The following LRP1B variants were observed in gnomAD, a reference collection of about 807,000 sequenced individuals.
LRP1B encodes the protein LDL receptor related protein 1B.
LRP1B carries 217 observed loss-of-function variants against 556.6 expected under a neutral mutation model. The observed-to-expected ratio is 0.39, with a 90% confidence interval of 0.35 to 0.44. The LOEUF is 0.44. Ranked by LOEUF, LRP1B falls within the 20% of genes least tolerant of loss-of-function variation. The probability of loss-of-function intolerance (pLI) is 1.00; values close to 1 mark genes in which losing one functional copy is unlikely to be tolerated. For missense variants in LRP1B, 5,053 were observed against 5,620.8 expected, an observed-to-expected ratio of 0.90 and a Z score of 3.23; for synonymous variants, 2,047 against 1,865.8, an observed-to-expected ratio of 1.10 and a Z score of -2.50.
intron 43 of LRP1B, among the ~76,000 whole-genome samples, chr2:140,563,686 TA>T: frequency 6.6e-6 from 1 of 152,336 alleles, no homozygotes; most frequent in Middle Eastern, 3.4e-3. Context: ...AATCATGTTT[TA>T]ATACTAAGAG....
chr2:141,986,328 A>G (rs913721853), intron 1 of LRP1B, among the ~76,000 whole-genome samples: 2 of 152,010 alleles, frequency 1.3e-5, no homozygotes, highest in East Asian at 1.9e-4. Flanking sequence ...TTATACATAC[A>G]TACAAATGAC....
At chr2:141,693,169 G>A (rs960065444) in intron 2 of LRP1B, among the ~76,000 whole-genome samples, 3 of 151,990 alleles carry the variant, frequency 2.0e-5, no homozygotes, top group Admixed American at 1.3e-4. Flanking sequence ...TGAAAGTAGA[G>A]TCTTTTTGTC....
chr2:140,813,650 C>T lies in LRP1B; in HGVS notation c.5359+7G>A, dbSNP rs758863947. 5.0e-5 allele frequency: 81 copies of T among 1,612,346 alleles called. No homozygotes were observed. The highest frequency in any genetic ancestry group is 6.3e-5 in the Non-Finnish European group (74 of 1,179,106). The stretch of plus-strand genomic sequence containing the variant: ...AAGCAACCAAGCTATAGAATAATTT[C>T]ACTTACCCATGATGGTTAGGGCTGT... On this transcript the variant is annotated splice_region_variant and intron_variant, in intron 32 of 90. Coordinates refer to ENST00000389484, the MANE Select transcript of LRP1B (RefSeq NM_018557.3).
intron 86 of LRP1B, among the ~76,000 whole-genome samples, chr2:140,253,128 A>G (rs1205324267): frequency 6.6e-6 from 1 of 151,996 alleles, no homozygotes; most frequent in Non-Finnish European, 1.5e-5. Flanking sequence ...GTTGTAATAA[A>G]TTTACTTGAT....
intron 1 of LRP1B, among the ~76,000 whole-genome samples, chr2:142,011,617 G>C (rs1702962470): frequency 6.6e-6 from 1 of 152,072 alleles, no homozygotes; most frequent in Non-Finnish European, 1.5e-5. Context: ...GCCTGATGTT[G>C]TGTTCTTAAA....
At chr2:140,329,095 A>G (rs941699100) in intron 79 of LRP1B, among the ~76,000 whole-genome samples, 4 of 152,048 alleles carry the variant, frequency 2.6e-5, no homozygotes, top group African/African-American at 9.7e-5. Flanking sequence ...ATGTAATACT[A>G]CATACTCTCC....
intron 2 of LRP1B, among the ~76,000 whole-genome samples, chr2:141,613,949 T>G (rs941258441): frequency 1.3e-5 from 2 of 151,234 alleles, no homozygotes; most frequent in Non-Finnish European, 3.0e-5. Flanking sequence ...GGCAGGCGCC[T>G]ATAATCCCAG....
chr2:140,566,552 G>T (rs1241110686), intron 43 of LRP1B, among the ~76,000 whole-genome samples: 2 of 152,140 alleles, frequency 1.3e-5, no homozygotes, highest in Non-Finnish European at 2.9e-5. Context: ...ACCCATCCCA[G>T]TTGCTGCTGA....
At chr2:140,425,870 G>A (rs1184836145) in intron 66 of LRP1B, among the ~76,000 whole-genome samples, 1 of 152,116 alleles carries the variant, frequency 6.6e-6, no homozygotes, top group Non-Finnish European at 1.5e-5. Flanking sequence ...AAGGCACACA[G>A]CTAATACATA....
intron 43 of LRP1B, among the ~76,000 whole-genome samples, chr2:140,581,084 T>G (rs73961436): frequency 8.6e-4 from 131 of 152,306 alleles, no homozygotes; most frequent in African/African-American, 2.9e-3. Flanking sequence ...GGAGCATGAG[T>G]TACAGACATG....
chr2:141,266,931 G>T (rs1034268972), intron 3 of LRP1B, among the ~76,000 whole-genome samples: 1 of 152,118 alleles, frequency 6.6e-6, no homozygotes, highest in Admixed American at 6.5e-5. Context: ...GAGGAAAAAT[G>T]TTTACTTTAG....
At chr2:140,697,649 C>A (rs904479529) in intron 41 of LRP1B, among the ~76,000 whole-genome samples, 1 of 151,926 alleles carries the variant, frequency 6.6e-6, no homozygotes, top group African/African-American at 2.4e-5. Context: ...ATGGATGCAC[C>A]TTGAAAACAC....
At chr2:140,764,233 CAT>C (rs1466687546) in intron 35 of LRP1B, among the ~76,000 whole-genome samples, 4 of 152,120 alleles carry the variant, frequency 2.6e-5, no homozygotes, top group Non-Finnish European at 4.4e-5. Flanking sequence ...TTAAAAATCA[CAT>C]GATTCAGTAT....
At chr2:140,751,115 C>T (rs1211818465) in intron 35 of LRP1B, among the ~76,000 whole-genome samples, 1 of 147,952 alleles carries the variant, frequency 6.8e-6, no homozygotes, top group African/African-American at 2.5e-5. Flanking sequence ...GCCTCAGCCT[C>T]CCGAGTAGCT....
intron 1 of LRP1B, among the ~76,000 whole-genome samples, chr2:141,862,995 T>G (rs1262708830): frequency 6.6e-6 from 1 of 152,190 alleles, no homozygotes; most frequent in Non-Finnish European, 1.5e-5. Context: ...ATTGCTGAGC[T>G]CTCTCTTATG....
chr2:142,048,665 C>T lies in LRP1B; in HGVS notation c.82+81983G>A, dbSNP rs137893379. The stretch of plus-strand genomic sequence containing the variant: ...CTACTTGTAGTGTATGTAAAAATTG[C>T]ATTTTATAGCAAATATTGCTATCGT... On this transcript the variant is annotated intron_variant, in intron 1 of 90. Transcript: ENST00000389484. Among the ~76,000 whole-genome samples, 10 of 152,056 alleles carry T rather than the reference C, an allele frequency of 6.6e-5. No homozygotes were observed. The East Asian group carries it at 1.9e-3, about 30-fold the overall frequency.
At chr2:140,609,988 T>C (rs904970068) in intron 41 of LRP1B, among the ~76,000 whole-genome samples, 1 of 152,144 alleles carries the variant, frequency 6.6e-6, no homozygotes, top group Admixed American at 6.5e-5. Flanking sequence ...CCTCCTTTTT[T>C]ATTATGCCCT....
chr2:141,098,311 C>G (rs886178846), intron 7 of LRP1B, among the ~76,000 whole-genome samples: 1 of 152,162 alleles, frequency 6.6e-6, no homozygotes, highest in East Asian at 1.9e-4. Context: ...CAAATATCTA[C>G]AGCATATTCA....
At chr2:142,018,782 T>A (rs1332581489) in intron 1 of LRP1B, among the ~76,000 whole-genome samples, 1 of 151,082 alleles carries the variant, frequency 6.6e-6, no homozygotes. Context: ...CAATCCTGAC[T>A]TACGCTTTTT....
Sources: allele counts gnomAD v4.1 joint callset (sites outside exome capture counted in the v4.1 genomes callset), GRCh38; gene constraint gnomAD v4.1.1; transcripts MANE v1.5; gene names NCBI Gene and HGNC (gene_info 2026-07-23, HGNC 2026-07-21).